Variants in ZBTB47 observed in about 807,000 individuals in gnomAD.
The protein encoded by ZBTB47 is zinc finger and BTB domain-containing protein 47.
A neutral mutation model predicts 56.6 loss-of-function variants in ZBTB47; 24 were observed. The observed-to-expected ratio is 0.42, with a 90% CI of 0.31 to 0.60. ZBTB47 has a LOEUF of 0.60. Ranked by LOEUF, ZBTB47 falls within the 20% of genes least tolerant of loss-of-function variation. ZBTB47 has a pLI of 0.14. For synonymous variants in ZBTB47, 414 were observed against 418.9 expected (o/e 0.99, Z 0.14); for missense variants, 829 against 1,032.6 (o/e 0.80, Z 2.70).
At chr3:42,655,617 T>C (rs1710632628) in intron 1 of ZBTB47, among the ~76,000 whole-genome samples, 1 of 152,112 alleles carries the variant, frequency 6.6e-6, no homozygotes, top group Non-Finnish European at 1.5e-5. Flanking sequence ...CACAGCCGGA[T>C]GGGGAGGGGC....
chr3:42,655,621 G>A (rs894602281), intron 1 of ZBTB47, among the ~76,000 whole-genome samples: 1 of 152,226 alleles, frequency 6.6e-6, no homozygotes, highest in African/African-American at 2.4e-5. Context: ...GCCGGATGGG[G>A]AGGGGCACGC....
rs571021869 is a variant in ZBTB47, at chr3:42,666,448, G to A, written c.*1850G>A. 9.8e-5 allele frequency among the ~76,000 whole-genome samples: 15 copies of A among 152,292 alleles called. No individual in the cohort carries two copies. Among genetic ancestry groups the A allele is most frequent in the African/African-American group, 2.9e-4 (12 of 41,566 alleles). ...TGCACTCCTTGATCTTTGGGCTTCC[G>A]TGATGTCCTCAGGGTCCCCCCCTCC... is the stretch of plus-strand genomic sequence containing the variant. On this transcript the variant is annotated 3_prime_UTR_variant, in exon 6 of 6. Coordinates refer to ENST00000232974, the MANE Select transcript of ZBTB47 (RefSeq NM_145166.4).
rs1710796783 is a variant in ZBTB47 at position 42,667,040 on chromosome 3, C to T, written c.*2442C>T. On this transcript the variant is annotated 3_prime_UTR_variant, in exon 6 of 6. Transcript: ENST00000232974. Reference sequence around the variant, plus strand: ...AGCAATAATGGCACCTCAGCAGTTCCAGTATGGATAGGGGTTCCTGTTTTA... The same window carrying T: ...AGCAATAATGGCACCTCAGCAGTTCTAGTATGGATAGGGGTTCCTGTTTTA... Among the ~76,000 whole-genome samples the T allele has an allele frequency of 6.6e-6, 1 of 152,234 alleles. No homozygotes were observed. Among genetic ancestry groups the T allele is most frequent in the African/African-American group, 2.4e-5 (1 of 41,466 alleles).
At chr3:42,657,390 TG>T (rs1280638795) in intron 1 of ZBTB47, among the ~76,000 whole-genome samples, 3 of 152,156 alleles carry the variant, frequency 2.0e-5, no homozygotes, top group Non-Finnish European at 4.4e-5. Context: ...GGGCAGGCCT[TG>T]GGGGCCTCCT....
rs1319455321 is a variant in ZBTB47 at position 42,666,661 on chromosome 3, C to T, written c.*2063C>T. ...GTGTCATCACCTGCTGGCCCCACTACAGCCTGAGTAGGCCTGAGTGGCCGT... is the reference window on the plus strand; with the variant it reads ...GTGTCATCACCTGCTGGCCCCACTATAGCCTGAGTAGGCCTGAGTGGCCGT... On this transcript the variant is annotated 3_prime_UTR_variant, in exon 6 of 6. Transcript: ENST00000232974. Among the ~76,000 whole-genome samples, 1 of 152,214 alleles carries T rather than the reference C, an allele frequency of 6.6e-6. No individual in the cohort carries two copies. Among genetic ancestry groups the T allele is most frequent in the Non-Finnish European group, 1.5e-5 (1 of 68,042 alleles).
rs1710770719 is a variant in ZBTB47, at chr3:42,664,995, G to A, written c.*397G>A. ...GCCAAGGCCTGTGCCAGAGGGGTTG[G>A]CCAGTTGGAGCCTGGGTCAGCCTCA... On this transcript the variant is annotated 3_prime_UTR_variant, in exon 6 of 6. Coordinates refer to ENST00000232974, the MANE Select transcript of ZBTB47 (RefSeq NM_145166.4). The A allele has an allele frequency of 1.2e-5, 2 of 166,914 alleles. No homozygotes were observed. The highest frequency in any genetic ancestry group is 2.4e-5 in the African/African-American group (1 of 42,102). The allele number at this position is 166,914 out of a possible 1,614,324, so 10.3% of individuals were successfully genotyped here.
chr3:42,658,347 G>A lies in ZBTB47; in HGVS notation c.-9G>A. ...GGTGGAGGACGTGGCGCTGCACTTTGCCTGCTTGATGGGCCGCCTGAACGA... is the reference window on the plus strand; with the variant it reads ...GGTGGAGGACGTGGCGCTGCACTTTACCTGCTTGATGGGCCGCCTGAACGA... On this transcript the variant is annotated 5_prime_UTR_variant, in exon 2 of 6. Transcript: ENST00000232974. 1.3e-6 allele frequency: 2 copies of A among 1,529,258 alleles called. No individual in the cohort carries two copies. The highest frequency in any genetic ancestry group is 1.8e-6 in the Non-Finnish European group (2 of 1,142,430). 94.7% of individuals were successfully genotyped at this position (1,529,258 alleles called of 1,614,324 possible).
At chr3:42,660,164 A>G (rs907053538) in intron 2 of ZBTB47, among the ~76,000 whole-genome samples, 1 of 152,242 alleles carries the variant, frequency 6.6e-6, no homozygotes, top group African/African-American at 2.4e-5. Flanking sequence ...AGACAAGGCC[A>G]GAAGACAGGC....
intron 1 of ZBTB47, among the ~76,000 whole-genome samples, chr3:42,657,865 G>T (rs951897793): frequency 4.6e-5 from 7 of 152,198 alleles, no homozygotes; most frequent in Non-Finnish European, 1.0e-4. Context: ...CCTGGTCCCG[G>T]TGTGCCTGCG....
At chr3:42,664,076 C>T (rs574164201) in intron 5 of ZBTB47, 135 bp downstream of exon 5, 1 of 1,469,008 alleles carries the variant, frequency 6.8e-7, no homozygotes, top group South Asian at 1.4e-5. Flanking sequence ...TTCCTGCCTC[C>T]CAGGGTTGGG....
In ZBTB47 at chr3:42,656,386, C is replaced by G. The variant is rs1710642642; in HGVS notation, c.-81-1889C>G. Among the ~76,000 whole-genome samples the G allele has an allele frequency of 6.6e-6, 1 of 152,208 alleles. No homozygotes were observed. The highest frequency in any genetic ancestry group is 2.1e-4 in the South Asian group (1 of 4,832). Reference sequence around the variant, plus strand: ...CAGGGGCTCTGGACTGTGGAACCCTCTCATTCTGAGCCTCGGTTTCTCCAT... The same window carrying G: ...CAGGGGCTCTGGACTGTGGAACCCTGTCATTCTGAGCCTCGGTTTCTCCAT... On this transcript the variant is annotated intron_variant, in intron 1 of 5. Coordinates refer to ENST00000232974, the MANE Select transcript of ZBTB47 (RefSeq NM_145166.4). This position sits in a 1 kb window ranked among gnomAD's most constrained non-coding sequence, Gnocchi z 5.8.
Position 42,659,912 on chromosome 3 carries a change from G to T in ZBTB47, c.1473+84G>T, listed in dbSNP as rs1045603436. Reference sequence around the variant, plus strand: ...CTGGGCTCTGGGCACCTAGTGTCTTGCTGACTGCATTACCTAGGTGGTCTG... The same window carrying T: ...CTGGGCTCTGGGCACCTAGTGTCTTTCTGACTGCATTACCTAGGTGGTCTG... On this transcript the variant is annotated intron_variant, in intron 2 of 5. Coordinates refer to ENST00000232974, the MANE Select transcript of ZBTB47 (RefSeq NM_145166.4). The T allele has an allele frequency of 5.5e-6, 8 of 1,463,614 alleles. No individual in the cohort carries two copies. The Admixed American group carries it at 1.2e-4, about 22-fold the overall frequency. 90.7% of individuals were successfully genotyped at this position (1,463,614 alleles called of 1,614,324 possible).
rs1258522317 is a variant in ZBTB47 at position 42,657,948 on chromosome 3, G to T, written c.-81-327G>T. On this transcript the variant is annotated intron_variant, in intron 1 of 5. Transcript: ENST00000232974. ...AGGTCCCTGGCAAACCTGGATGGTT[G>T]GTCACTGTGGTCTCTCTTTCATCCC... Among the ~76,000 whole-genome samples, 4 of 152,168 alleles carry T rather than the reference G, an allele frequency of 2.6e-5. No homozygotes were observed. The East Asian group carries it at 7.7e-4, about 29-fold the overall frequency.
rs996416646 is a variant in ZBTB47, at chr3:42,654,804, C to G, written c.-82+921C>G. The G allele has an allele frequency of 4.8e-5, 32 of 667,406 alleles. No individual in the cohort carries two copies. In the African/African-American group the frequency reaches 5.9e-4, roughly 12 times the overall value. 41.3% of individuals were successfully genotyped at this position (667,406 alleles called of 1,614,324 possible). Reference sequence around the variant, plus strand: ...TGGAGGGGCTGGAGGGATCTTCCCCCCTCCCCCGGTCTCCCGGCTCCATCT... The same window carrying G: ...TGGAGGGGCTGGAGGGATCTTCCCCGCTCCCCCGGTCTCCCGGCTCCATCT... On this transcript the variant is annotated intron_variant, in intron 1 of 5. Transcript: ENST00000232974. This position sits in a 1 kb window ranked among gnomAD's most constrained non-coding sequence, Gnocchi z 5.0.
chr3:42,659,598 G>T lies in ZBTB47; in HGVS notation c.1243G>T (p.Ala415Ser), dbSNP rs769227109. 4 of 1,598,076 alleles carry T rather than the reference G, an allele frequency of 2.5e-6. No individual in the cohort carries two copies. The East Asian group carries it at 6.8e-5, about 27-fold the overall frequency. The change falls in exon 2 of 6, where the codon GCC (alanine) becomes TCC (serine). Residue 415 changes from alanine to serine, a missense_variant. Coordinates refer to ENST00000232974, the MANE Select transcript of ZBTB47 (RefSeq NM_145166.4). ...KPPPGVASAS[A>S]RGPPATDGLG... ...ACCCCCTGGAGTGGCCTCTGCATCG[G>T]CCCGAGGGCCGCCAGCCACTGATGG...
rs1015029013 is a variant in ZBTB47, at chr3:42,654,756, G to A, written c.-82+873G>A. ...CCCACCTGCCAGCTCTGACCTCCCA[G>A]GCACACGGCCCGCGGGCCCGGGTGG... On this transcript the variant is annotated intron_variant, in intron 1 of 5. Transcript: ENST00000232974. The surrounding 1 kb of genome is among the most constrained non-coding windows in gnomAD (Gnocchi z 5.0). The A allele has an allele frequency of 6.1e-6, 6 of 982,056 alleles. No homozygotes were observed. The highest frequency in any genetic ancestry group is 6.2e-5 in the Admixed American group (1 of 16,254). The allele number at this position is 982,056 out of a possible 1,614,324, so 60.8% of individuals were successfully genotyped here. A position where few individuals can be genotyped will look rare whatever the true frequency, so the allele number is the denominator to read the frequency against.
At position 42,662,988 on chromosome 3, in the gene ZBTB47, A is replaced by G. The variant is rs768289872; in HGVS notation, c.1622-24A>G. The G allele has an allele frequency of 6.3e-6, 10 of 1,579,798 alleles. 1 individual carries two copies. In the South Asian group the frequency reaches 1.1e-4, roughly 17 times the overall value. On this transcript the variant is annotated intron_variant, in intron 3 of 5. Coordinates refer to ENST00000232974, the MANE Select transcript of ZBTB47 (RefSeq NM_145166.4). ...TGCTTGGGCAGGCCCGTAAAACATGATGGCCCTGGTGCCCACCTCGTAGCC... is the reference window on the plus strand; with the variant it reads ...TGCTTGGGCAGGCCCGTAAAACATGGTGGCCCTGGTGCCCACCTCGTAGCC...
At chr3:42,655,686 A>G (rs965428403) in intron 1 of ZBTB47, among the ~76,000 whole-genome samples, 3 of 152,164 alleles carry the variant, frequency 2.0e-5, no homozygotes, top group Non-Finnish European at 2.9e-5. Context: ...GCTGGTGGGC[A>G]TTGTGTGGGA....
chr3:42,663,138 A>G lies in ZBTB47; in HGVS notation c.1737+11A>G, dbSNP rs1710741806. 4 of 1,604,568 alleles carry G rather than the reference A, an allele frequency of 2.5e-6. No individual in the cohort carries two copies. Among genetic ancestry groups the G allele is most frequent in the Non-Finnish European group, 3.4e-6 (4 of 1,171,736 alleles). On this transcript the variant is annotated intron_variant, in intron 4 of 5. Transcript: ENST00000232974. This position sits in a 1 kb window ranked among gnomAD's most constrained non-coding sequence, Gnocchi z 5.1. ...CCGTTCAGATGTGAGGTGAGCTTCC[A>G]TCTCCTGCCTGGCCTGCCCGAGGGG...
Sources: allele counts gnomAD v4.1 joint callset (sites outside exome capture counted in the v4.1 genomes callset), GRCh38; gene constraint gnomAD v4.1.1; non-coding constraint Gnocchi (gnomAD v3.1); transcripts MANE v1.5; gene names NCBI Gene and HGNC (gene_info 2026-07-23, HGNC 2026-07-21).